Variants in ATP1A2 observed in about 807,000 individuals in gnomAD.
ATP1A2 encodes ATPase Na+/K+ transporting subunit alpha 2.
Under a neutral mutation model 113.1 loss-of-function variants are expected in ATP1A2, and 56 were observed. That is an observed-to-expected ratio of 0.49 (90% CI 0.40 to 0.62). ATP1A2 has a LOEUF of 0.62. Ranked by LOEUF, ATP1A2 falls within the 20% of genes least tolerant of loss-of-function variation. The pLI is 0.00. For synonymous variants in ATP1A2, 490 were observed against 526.8 expected, an observed-to-expected ratio of 0.93 and a Z score of 0.96; for missense variants, 712 against 1,357.8, an observed-to-expected ratio of 0.52 and a Z score of 7.47.
chr1:160,136,625 C>G lies in ATP1A2; in HGVS notation c.2619C>G (p.Asn873Lys). Reference sequence around the variant, plus strand: ...CCTACTTTGTGATCCTGGCAGAGAACGGTTTCCTGCCATCACGGCTACTGG... The same window carrying G: ...CCTACTTTGTGATCCTGGCAGAGAAGGGTTTCCTGCCATCACGGCTACTGG... ...FFTYFVILAE[N>K]GFLPSRLLGI... Residue 873 changes from asparagine (N) to lysine (K), a missense_variant, in exon 19 of 23, where the codon AAC (asparagine) becomes AAG (lysine). Physicochemically the swap from Asn to Lys is moderately conservative, Grantham distance 94 (BLOSUM62 0). Around this residue, in one of 6 missense-constraint regions of ATP1A2, gnomAD observed 188 missense variants for 438.9 expected, o/e 0.43. Coordinates refer to ENST00000361216, the MANE Select transcript of ATP1A2 (RefSeq NM_000702.4). The G allele has an allele frequency of 1.1e-5, 17 of 1,614,228 alleles. No homozygotes were observed. Among genetic ancestry groups the G allele is most frequent in the Non-Finnish European group, 1.4e-5 (16 of 1,180,044 alleles).
intron 3 of ATP1A2, 40 bp downstream of exon 3, chr1:160,121,291 A>G (rs1651390257): frequency 6.2e-7 from 1 of 1,608,434 alleles, no homozygotes; most frequent in South Asian, 1.1e-5. Context: ...AAAAGAGGCA[A>G]GAAAACCATG....
intron 13 of ATP1A2, 27 bp downstream of exon 13, chr1:160,130,624 T>C: frequency 1.9e-6 from 3 of 1,613,844 alleles, no homozygotes; most frequent in Non-Finnish European, 2.5e-6. Flanking sequence ...CTCCCCTCCA[T>C]TCTAGCCTCC....
At chr1:160,136,752 A>G (rs768795674) in intron 19 of ATP1A2, 37 bp downstream of exon 19, 6 of 1,613,998 alleles carry the variant, frequency 3.7e-6, no homozygotes, top group Non-Finnish European at 5.1e-6. Flanking sequence ...CACATGTGTG[A>G]AGGTACGGGA....
rs55885132 is a variant in ATP1A2 at position 160,119,283 on chromosome 1, A to AAG, written c.13-1623_13-1622insAG. ...AAAAAAAAAAAAAAAAAAAAAAAAA[A>AAG]GCAAACACCTTGGCTGTGGACCCTA... On this transcript the variant is annotated intron_variant, in intron 1 of 22. Coordinates refer to ENST00000361216, the MANE Select transcript of ATP1A2 (RefSeq NM_000702.4). Among the ~76,000 whole-genome samples, 36 of 139,648 alleles carry AAG rather than the reference A, an allele frequency of 2.6e-4. 1 individual carries two copies. Among genetic ancestry groups the AAG allele is most frequent in the Admixed American group, 2.9e-4 (4 of 13,646 alleles). 91.6% of individuals were successfully genotyped at this position (139,648 alleles called of 152,430 possible). A position where few individuals can be genotyped will look rare whatever the true frequency, so the allele number is the denominator to read the frequency against.
Position 160,116,067 on chromosome 1 carries a change from C to T in ATP1A2, c.12+194C>T, listed in dbSNP as rs182771969. Among the ~76,000 whole-genome samples, 437 of 152,194 alleles carry T rather than the reference C, an allele frequency of 2.9e-3. 2 individuals are homozygous for T. Among genetic ancestry groups the T allele is most frequent in the African/African-American group, 0.01 (424 of 41,510 alleles). On this transcript the variant is annotated intron_variant, in intron 1 of 22. Transcript: ENST00000361216. Reference sequence around the variant, plus strand: ...GGCGGTCACATACCCTAGTGCTCTCCTCTCCTCTGCACGCCCCAGCCCCCT... The same window carrying T: ...GGCGGTCACATACCCTAGTGCTCTCTTCTCCTCTGCACGCCCCAGCCCCCT...
At position 160,129,026 on chromosome 1, in the gene ATP1A2, A is replaced by G. The variant is rs1057523616; in HGVS notation, c.1263A>G (p.Arg421=). 3 of 1,611,676 alleles carry G rather than the reference A, an allele frequency of 1.9e-6. No individual in the cohort carries two copies. The highest frequency in any genetic ancestry group is 1.7e-6 in the Non-Finnish European group (2 of 1,178,780). ...CCCCTACGTGGACGGCCCTGTCTCGAATTGCTGGTCTCTGCAACCGCGCCG... is the reference window on the plus strand; with the variant it reads ...CCCCTACGTGGACGGCCCTGTCTCGGATTGCTGGTCTCTGCAACCGCGCCG... ...KRSPTWTALS[R]IAGLCNRAVF... is the part of the protein sequence containing the mutation. Residue 421 remains arginine (R), a synonymous_variant, in exon 10 of 23, where the codon CGA becomes CGG. Coordinates refer to ENST00000361216, the MANE Select transcript of ATP1A2 (RefSeq NM_000702.4).
chr1:160,138,484 T>A (rs1209935296), intron 20 of ATP1A2, among the ~76,000 whole-genome samples: 2 of 152,194 alleles, frequency 1.3e-5, no homozygotes, highest in African/African-American at 4.8e-5. Context: ...AAGGAGGTCC[T>A]TAGTGAGTGA....
intron 13 of ATP1A2, among the ~76,000 whole-genome samples, chr1:160,131,008 C>T (rs972341749): frequency 8.5e-5 from 13 of 152,220 alleles, no homozygotes; most frequent in African/African-American, 3.1e-4. Context: ...CATAACCCCA[C>T]AGAATGCCTC....
intron 22 of ATP1A2, 92 bp from the exon 23 acceptor site, chr1:160,141,202 A>G (rs1254692320): frequency 6.6e-7 from 1 of 1,505,858 alleles, no homozygotes; most frequent in Non-Finnish European, 9.2e-7. Flanking sequence ...TTCTCCTTCC[A>G]CCTGGCTTCA....
Position 160,130,364 on chromosome 1 carries a change from TG to T in ATP1A2, c.1652-53del, listed in dbSNP as rs531230112. On this transcript the variant is annotated intron_variant, in intron 12 of 22. Coordinates refer to ENST00000361216, the MANE Select transcript of ATP1A2 (RefSeq NM_000702.4). ...GCGGCATCCCTGGGGTGGGGGACTG[TG>T]GGGGCGTCCAGGAAGCCACTCTGCG... The T allele has an allele frequency of 6.9e-5, 112 of 1,614,010 alleles. No homozygotes were observed. In the African/African-American group the frequency reaches 1.3e-3, roughly 19 times the overall value.
chr1:160,125,403 C>T, intron 7 of ATP1A2, 150 bp downstream of exon 7: 1 of 721,812 alleles, frequency 1.4e-6, no homozygotes, highest in Non-Finnish European at 2.4e-6. Flanking sequence ...ATGGAAACAC[C>T]CTCCACAGAG....
chr1:160,119,633 C>T (rs1651314607), intron 1 of ATP1A2, among the ~76,000 whole-genome samples: 1 of 152,104 alleles, frequency 6.6e-6, no homozygotes, highest in Non-Finnish European at 1.5e-5. Context: ...AAGAAGTTCC[C>T]TGTGAGACCC....
At position 160,136,385 on chromosome 1, in the gene ATP1A2, G is replaced by A. The variant is rs528454399; in HGVS notation, c.2563+15G>A. The A allele has an allele frequency of 3.3e-5, 53 of 1,613,784 alleles. No homozygotes were observed. The highest frequency in any genetic ancestry group is 8.9e-5 in the East Asian group (4 of 44,878). ...CGGACAGATCGGTGCGCCAAGCCCC[G>A]GGCCTCGGGAGGGAACCCCAACAGG... On this transcript the variant is annotated intron_variant, in intron 18 of 22. Coordinates refer to ENST00000361216, the MANE Select transcript of ATP1A2 (RefSeq NM_000702.4).
chr1:160,138,216 G>A (rs946682155), intron 20 of ATP1A2, among the ~76,000 whole-genome samples: 1 of 152,176 alleles, frequency 6.6e-6, no homozygotes, highest in Admixed American at 6.5e-5. Flanking sequence ...CCTCAGAGAT[G>A]CTATTTGCCT....
intron 22 of ATP1A2, 56 bp downstream of exon 22, chr1:160,140,040 C>T (rs1232377855): frequency 6.5e-7 from 1 of 1,546,120 alleles, no homozygotes; most frequent in East Asian, 2.2e-5. Flanking sequence ...CAGCTCCTCC[C>T]TCCAGGACCA....
At chr1:160,128,456 G>C in intron 8 of ATP1A2, 196 bp from the exon 9 acceptor site, 2 of 1,498,816 alleles carry the variant, frequency 1.3e-6, no homozygotes, top group East Asian at 4.9e-5. Context: ...ACCCCCTAAT[G>C]GGCATTTCAT....
rs377024509 is a variant in ATP1A2 at position 160,130,225 on chromosome 1, A to C, written c.1585A>C (p.Lys529Gln). The C allele has an allele frequency of 6.8e-6, 11 of 1,614,082 alleles. No individual in the cohort carries two copies. The East Asian group carries it at 1.8e-4, about 26-fold the overall frequency. Residue 529 changes from lysine to glutamine, a missense_variant, in exon 12 of 23, where the codon AAG (lysine) becomes CAG (glutamine). Physicochemically the swap from Lys to Gln is moderately conservative, Grantham distance 53 (BLOSUM62 1). Around this residue, in one of 6 missense-constraint regions of ATP1A2, gnomAD observed 263 missense variants for 380.6 expected, o/e 0.69. Coordinates refer to ENST00000361216, the MANE Select transcript of ATP1A2 (RefSeq NM_000702.4). The part of the protein sequence containing the change: ...LVQGKEIPLD[K>Q]EMQDAFQNAY... ...GCAGGGCAAGGAGATCCCGCTCGAC[A>C]AGGAGATGCAAGATGCCTTTCAAAA...
rs780318491 is a variant in ATP1A2, at chr1:160,135,405, G to T, written c.2116-29G>T. ...GGAGCCAGGCTTGGGAAGGGGTTTC[G>T]TCCTCAAGTGTGGCCGTCTTCCCTC... On this transcript the variant is annotated intron_variant, in intron 15 of 22. Coordinates refer to ENST00000361216, the MANE Select transcript of ATP1A2 (RefSeq NM_000702.4). The surrounding 1 kb of genome is among the most constrained non-coding windows in gnomAD (Gnocchi z 6.3). 10 of 1,614,146 alleles carry T rather than the reference G, an allele frequency of 6.2e-6. No homozygotes were observed. Among genetic ancestry groups the T allele is most frequent in the Non-Finnish European group, 8.5e-6 (10 of 1,180,028 alleles).
At position 160,128,995 on chromosome 1, in the gene ATP1A2, A is replaced by G. The variant is rs1408232977; in HGVS notation, c.1232A>G (p.Lys411Arg). 6.2e-7 allele frequency: 1 copy of G among 1,606,166 alleles called. No homozygotes were observed. Among genetic ancestry groups the G allele is most frequent in the African/African-American group, 1.3e-5 (1 of 74,792 alleles). Residue 411 changes from lysine (K) to arginine (R), a missense_variant, in exon 10 of 23, where the codon AAA becomes AGA. By Grantham distance (26) the Lys-to-Arg change is conservative. Coordinates refer to ENST00000361216, the MANE Select transcript of ATP1A2 (RefSeq NM_000702.4). Reference protein sequence around the residue: ...TEDQSGATFDKRSPTWTALSR... With the variant: ...TEDQSGATFDRRSPTWTALSR... Reference sequence around the variant, plus strand: ...TTCCTCCCAGGGGCCACTTTTGACAAACGATCCCCTACGTGGACGGCCCTG... The same window carrying G: ...TTCCTCCCAGGGGCCACTTTTGACAGACGATCCCCTACGTGGACGGCCCTG...
Sources: gnomAD v4.1 joint callset for allele counts (sites outside exome capture counted in the v4.1 genomes callset) on GRCh38, gnomAD v4.1.1 for gene constraint, gnomAD v4.1.1 regional missense constraint, Gnocchi (gnomAD v3.1) non-coding constraint, MANE v1.5 for transcripts, NCBI Gene and HGNC (gene_info 2026-07-23, HGNC 2026-07-21) for gene names.